Variants in TRABD2B observed in about 807,000 individuals in gnomAD.
TRABD2B encodes the protein TraB domain containing 2B.
Under a neutral mutation model 40.1 loss-of-function variants are expected in TRABD2B, and 14 were observed. The observed-to-expected ratio is 0.35, with a 90% CI of 0.23 to 0.55. The LOEUF is 0.55. Among genes scored for constraint, TRABD2B ranks in the 20% least tolerant of loss-of-function variants. TRABD2B has a pLI of 0.90. For synonymous variants in TRABD2B, 263 were observed against 277.0 expected (o/e 0.95, Z 0.50); for missense variants, 541 against 648.6 (o/e 0.83, Z 1.80).
At chr1:47,904,645 A>T (rs1033883484) in intron 2 of TRABD2B, among the ~76,000 whole-genome samples, 2 of 152,150 alleles carry the variant, frequency 1.3e-5, no homozygotes, top group African/African-American at 4.8e-5. Flanking sequence ...TGCACTCCCA[A>T]GGGAGAGACT....
chr1:47,997,253 G>A lies in TRABD2B; in HGVS notation c.-464C>T. ...CGCAGTGGGACAAGTGCGGCGGAAG[G>A]CGCGGCAGGGGTGGGGGGCGGCTCT... On this transcript the variant is annotated 5_prime_UTR_variant, in exon 1 of 7. Transcript: ENST00000606738. 1 of 980,402 alleles carries A rather than the reference G, an allele frequency of 1.0e-6. No individual in the cohort carries two copies. 60.7% of individuals were successfully genotyped at this position (980,402 alleles called of 1,614,324 possible). A position where few individuals can be genotyped will look rare whatever the true frequency, so the allele number is the denominator to read the frequency against.
intron 2 of TRABD2B, among the ~76,000 whole-genome samples, chr1:47,845,478 T>G (rs1298245761): frequency 6.6e-6 from 1 of 152,162 alleles, no homozygotes; most frequent in Non-Finnish European, 1.5e-5. Context: ...TCCTCTTACA[T>G]ATTAGGAGAC....
chr1:47,825,417 C>G (rs1182589862), intron 2 of TRABD2B, among the ~76,000 whole-genome samples: 1 of 152,180 alleles, frequency 6.6e-6, no homozygotes, highest in Non-Finnish European at 1.5e-5. Context: ...TCTGAAAAGC[C>G]AAATAACAAC....
At chr1:47,782,202 C>A (rs961014762) in intron 4 of TRABD2B, among the ~76,000 whole-genome samples, 1 of 152,126 alleles carries the variant, frequency 6.6e-6, no homozygotes, top group Non-Finnish European at 1.5e-5. Flanking sequence ...CAATGTCTTG[C>A]GTCTCAACCA....
chr1:47,875,092 C>G (rs1644204787), intron 2 of TRABD2B, among the ~76,000 whole-genome samples: 1 of 151,916 alleles, frequency 6.6e-6, no homozygotes, highest in Non-Finnish European at 1.5e-5. Flanking sequence ...AAAATCAGTG[C>G]TGTAAGGCTC....
intron 2 of TRABD2B, among the ~76,000 whole-genome samples, chr1:47,878,534 G>A (rs1041233510): frequency 3.0e-4 from 45 of 152,110 alleles, no homozygotes; most frequent in Admixed American, 2.8e-3. Context: ...AGACGTCTAC[G>A]CATACATCAT....
chr1:47,782,192 CAAT>C (rs1481946969), intron 4 of TRABD2B, among the ~76,000 whole-genome samples: 3 of 152,258 alleles, frequency 2.0e-5, no homozygotes, highest in East Asian at 1.9e-4. Context: ...TTCTCTGCAA[CAAT>C]GTCTTGCGTC....
intron 2 of TRABD2B, among the ~76,000 whole-genome samples, chr1:47,892,003 C>T (rs1003898323): frequency 6.6e-6 from 1 of 152,184 alleles, no homozygotes; most frequent in Non-Finnish European, 1.5e-5. Flanking sequence ...AGGAGTAAAA[C>T]AGAAAGCCAG....
intron 2 of TRABD2B, among the ~76,000 whole-genome samples, chr1:47,983,803 G>T (rs982351165): frequency 6.6e-6 from 1 of 150,452 alleles, no homozygotes; most frequent in Non-Finnish European, 1.5e-5. Context: ...AACACTAGAA[G>T]TGTCCTTGTT....
At chr1:47,892,748 A>G (rs1485900622) in intron 2 of TRABD2B, among the ~76,000 whole-genome samples, 1 of 152,202 alleles carries the variant, frequency 6.6e-6, no homozygotes, top group Non-Finnish European at 1.5e-5. Context: ...ATGTGAATGA[A>G]TGGTGAGGAG....
intron 2 of TRABD2B, among the ~76,000 whole-genome samples, chr1:47,978,680 TG>T (rs2148438111): frequency 6.6e-6 from 1 of 152,364 alleles, no homozygotes; most frequent in East Asian, 1.9e-4. Flanking sequence ...AGGCTGTTTA[TG>T]GCTTTGGATA....
Position 47,884,942 on chromosome 1 carries a change from T to TTA in TRABD2B, c.667-83325_667-83324dup, listed in dbSNP as rs1644351926. On this transcript the variant is annotated intron_variant, in intron 2 of 6. Coordinates refer to ENST00000606738, the MANE Select transcript of TRABD2B (RefSeq NM_001194986.2). ...GGATCATCTTTTTAAACTACAAACGTTATCATGGCACTCTGCCTCCCACTT... is the reference window on the plus strand; with the variant it reads ...GGATCATCTTTTTAAACTACAAACGTTATATCATGGCACTCTGCCTCCCACTT... 2.6e-5 allele frequency among the ~76,000 whole-genome samples: 4 copies of TTA among 152,086 alleles called. No homozygotes were observed. In the South Asian group the frequency reaches 8.3e-4, roughly 32 times the overall value.
chr1:47,880,643 T>C (rs1014577112), intron 2 of TRABD2B, among the ~76,000 whole-genome samples: 1 of 152,190 alleles, frequency 6.6e-6, no homozygotes, highest in Non-Finnish European at 1.5e-5. Flanking sequence ...GCACAGCGTG[T>C]GCACAGGTTC....
At chr1:47,956,931 G>A (rs568800801) in intron 2 of TRABD2B, among the ~76,000 whole-genome samples, 1 of 152,362 alleles carries the variant, frequency 6.6e-6, no homozygotes, top group East Asian at 1.9e-4. Context: ...TGACCCATGA[G>A]TAGCCTAACT....
intron 3 of TRABD2B, 127 bp from the exon 4 acceptor site, chr1:47,794,887 C>A: frequency 1.1e-6 from 1 of 876,484 alleles, no homozygotes. Context: ...CTCAAGCCAT[C>A]CTCCTGCCTC....
intron 2 of TRABD2B, among the ~76,000 whole-genome samples, chr1:47,861,118 T>C (rs1643961489): frequency 6.6e-6 from 1 of 152,204 alleles, no homozygotes; most frequent in Admixed American, 6.5e-5. Context: ...GAACCAGGAC[T>C]ACATCTGGTC....
chr1:47,991,548 A>T (rs754425357), intron 2 of TRABD2B, among the ~76,000 whole-genome samples: 27 of 152,200 alleles, frequency 1.8e-4, no homozygotes, highest in Non-Finnish European at 1.0e-4. Context: ...GGGTGGAAGA[A>T]GCTTTTTCCA....
rs1341061171 is a variant in TRABD2B, at chr1:47,996,981, T to G, written c.-192A>C. 1.8e-6 allele frequency: 2 copies of G among 1,096,974 alleles called. No individual in the cohort carries two copies. Among genetic ancestry groups the G allele is most frequent in the South Asian group, 4.5e-5 (1 of 22,214 alleles). The allele number at this position is 1,096,974 out of a possible 1,614,324, so 68.0% of individuals were successfully genotyped here. ...TTCTCTGGGGCCGGGCTCCGTCTGTTGGAAGAGGGAGACCCTCTAGGGCTG... is the reference window on the plus strand; with the variant it reads ...TTCTCTGGGGCCGGGCTCCGTCTGTGGGAAGAGGGAGACCCTCTAGGGCTG... On this transcript the variant is annotated 5_prime_UTR_variant, in exon 1 of 7. Transcript: ENST00000606738. This position sits in a 1 kb window ranked among gnomAD's most constrained non-coding sequence, Gnocchi z 4.6.
chr1:47,866,083 T>C (rs1208244322), intron 2 of TRABD2B, among the ~76,000 whole-genome samples: 2 of 151,984 alleles, frequency 1.3e-5, no homozygotes, highest in Non-Finnish European at 2.9e-5. Context: ...AAGAGCGCAT[T>C]TGCACTGCCA....
Sources: gnomAD v4.1 joint callset for allele counts (sites outside exome capture counted in the v4.1 genomes callset) on GRCh38, gnomAD v4.1.1 for gene constraint, Gnocchi (gnomAD v3.1) non-coding constraint, MANE v1.5 for transcripts, NCBI Gene and HGNC (gene_info 2026-07-23, HGNC 2026-07-21) for gene names.